Variants in KCNIP1 observed in about 807,000 individuals in gnomAD.
KCNIP1 encodes potassium voltage-gated channel interacting protein 1, also known as A-type potassium channel modulatory protein KCNIP1.
A neutral mutation model predicts 33.0 loss-of-function variants in KCNIP1; 18 were observed. That is an observed-to-expected ratio of 0.55 (90% confidence interval 0.38 to 0.81). The LOEUF is 0.81. KCNIP1 is among the 30% of genes least tolerant of loss of function. The pLI, the probability that KCNIP1 is intolerant of heterozygous loss-of-function variation, is 0.00. For synonymous variants in KCNIP1, 93 were observed against 98.3 expected (o/e 0.95, Z 0.32); for missense variants, 238 against 271.6 (o/e 0.88, Z 0.87).
chr5:170,589,097 C>T (rs567805100), intron 1 of KCNIP1, among the ~76,000 whole-genome samples: 11 of 147,626 alleles, frequency 7.5e-5, no homozygotes, highest in African/African-American at 2.7e-4. Flanking sequence ...CTCCTGGGTT[C>T]ACACCATTCT....
At chr5:170,689,527 T>C (rs1299328992) in intron 1 of KCNIP1, among the ~76,000 whole-genome samples, 1 of 152,178 alleles carries the variant, frequency 6.6e-6, no homozygotes, top group African/African-American at 2.4e-5. Context: ...AAACAGAGAT[T>C]CATGCAGAAA....
At chr5:170,468,570 GTTTT>G (rs966948909) in intron 1 of KCNIP1, among the ~76,000 whole-genome samples, 3 of 152,062 alleles carry the variant, frequency 2.0e-5, no homozygotes. Flanking sequence ...CTAATTAATA[GTTTT>G]TTTATTATTT....
At chr5:170,385,378 C>A (rs1764425044) in intron 1 of KCNIP1, 1 of 1,614,010 alleles carries the variant, frequency 6.2e-7, no homozygotes, top group South Asian at 1.1e-5. Context: ...GCACACACCA[C>A]CATGGTTACA....
chr5:170,394,634 T>A (rs1265892582), intron 1 of KCNIP1, among the ~76,000 whole-genome samples: 1 of 152,208 alleles, frequency 6.6e-6, no homozygotes, highest in Non-Finnish European at 1.5e-5. Context: ...GGGATACACG[T>A]GCAGGTTTGT....
chr5:170,698,040 G>A (rs544895182), intron 1 of KCNIP1, among the ~76,000 whole-genome samples: 24 of 152,192 alleles, frequency 1.6e-4, no homozygotes, highest in African/African-American at 1.7e-4. Context: ...AAGCAAGAGC[G>A]AAAAATTGCA....
intron 1 of KCNIP1, among the ~76,000 whole-genome samples, chr5:170,605,601 C>T (rs1758876940): frequency 6.6e-6 from 1 of 152,182 alleles, no homozygotes; most frequent in African/African-American, 2.4e-5. Flanking sequence ...CCTCCCCCAA[C>T]TCCTGGCAAC....
At chr5:170,636,502 C>T (rs1189791699) in intron 1 of KCNIP1, among the ~76,000 whole-genome samples, 1 of 152,110 alleles carries the variant, frequency 6.6e-6, no homozygotes. Context: ...GATCTATCCT[C>T]AAGGAGAATA....
chr5:170,580,965 A>G (rs2113517329), intron 1 of KCNIP1, among the ~76,000 whole-genome samples: 1 of 152,332 alleles, frequency 6.6e-6, no homozygotes, highest in Admixed American at 6.5e-5. Flanking sequence ...TCTCAAGTAC[A>G]GATACAGATG....
intron 1 of KCNIP1, among the ~76,000 whole-genome samples, chr5:170,418,461 T>C (rs1234513340): frequency 3.9e-5 from 6 of 152,112 alleles, no homozygotes; most frequent in Non-Finnish European, 8.8e-5. Context: ...CTTCCCATCA[T>C]TTCTCCAGCC....
At chr5:170,553,698 A>G (rs966813637) in intron 1 of KCNIP1, among the ~76,000 whole-genome samples, 1 of 152,208 alleles carries the variant, frequency 6.6e-6, no homozygotes, top group Non-Finnish European at 1.5e-5. Context: ...CCTAGCTGCA[A>G]TTCCTTACAA....
chr5:170,627,738 G>T (rs573815139), intron 1 of KCNIP1, among the ~76,000 whole-genome samples: 2 of 152,346 alleles, frequency 1.3e-5, no homozygotes, highest in East Asian at 3.9e-4. Flanking sequence ...GCTGAGGCTT[G>T]TAGGAGCCAA....
chr5:170,707,586 G>C (rs1184161328), intron 1 of KCNIP1, among the ~76,000 whole-genome samples: 1 of 152,010 alleles, frequency 6.6e-6, no homozygotes, highest in East Asian at 1.9e-4. Context: ...TTCCACCATC[G>C]CCCTGCTCCT....
intron 1 of KCNIP1, among the ~76,000 whole-genome samples, chr5:170,517,921 A>G (rs1001661335): frequency 6.9e-6 from 1 of 144,404 alleles, no homozygotes; most frequent in African/African-American, 2.7e-5. Context: ...GGAGGCGGTG[A>G]TGGTGATAAT....
At chr5:170,415,253 T>G (rs1447122129) in intron 1 of KCNIP1, among the ~76,000 whole-genome samples, 1 of 152,156 alleles carries the variant, frequency 6.6e-6, no homozygotes. Flanking sequence ...TTTGTGTTTG[T>G]GTTTGCCGTC....
At chr5:170,371,566 G>A (rs900643221) in intron 1 of KCNIP1, among the ~76,000 whole-genome samples, 2 of 152,134 alleles carry the variant, frequency 1.3e-5, no homozygotes, top group South Asian at 2.1e-4. Context: ...TCTGCCTTGG[G>A]GCAAGTTAAA....
At chr5:170,405,523 A>G (rs1219304774) in intron 1 of KCNIP1, among the ~76,000 whole-genome samples, 3 of 152,226 alleles carry the variant, frequency 2.0e-5, no homozygotes, top group Non-Finnish European at 4.4e-5. Flanking sequence ...GATTCTCAGC[A>G]GCAGCCTGGA....
chr5:170,715,675 C>T (rs553842302), intron 1 of KCNIP1, among the ~76,000 whole-genome samples: 4 of 152,196 alleles, frequency 2.6e-5, no homozygotes, highest in South Asian at 2.1e-4. Flanking sequence ...GGCATGAGAA[C>T]GCTGAATGGC....
chr5:170,469,303 G>A (rs1269309430), intron 1 of KCNIP1, among the ~76,000 whole-genome samples: 4 of 152,152 alleles, frequency 2.6e-5, no homozygotes, highest in African/African-American at 7.2e-5. Flanking sequence ...GATGAAGCAG[G>A]AGGATCACTT....
intron 1 of KCNIP1, among the ~76,000 whole-genome samples, chr5:170,695,089 GTTCCACCA>G (rs1762846309): frequency 6.6e-6 from 1 of 152,142 alleles, no homozygotes; most frequent in South Asian, 2.1e-4. Context: ...TCACAGCATG[GTTCCACCA>G]TCCACCCAAT....
Sources: gnomAD v4.1 joint callset for allele counts (sites outside exome capture counted in the v4.1 genomes callset) on GRCh38, gnomAD v4.1.1 for gene constraint, MANE v1.5 for transcripts, NCBI Gene and HGNC (gene_info 2026-07-23, HGNC 2026-07-21) for gene names.